The following ZNF33A variants were observed in gnomAD, a reference collection of about 807,000 sequenced individuals.
The protein encoded by ZNF33A is zinc finger protein 33A.
In ZNF33A, 9 loss-of-function variants were observed where a neutral mutation model predicts 15.9. That is an observed-to-expected ratio of 0.57 (90% confidence interval 0.34 to 0.99). ZNF33A has a LOEUF of 0.99. Among genes scored for constraint, ZNF33A ranks in the 50% least tolerant of loss-of-function variants. ZNF33A has a pLI of 0.02. For missense variants in ZNF33A, 843 were observed against 941.6 expected, an observed-to-expected ratio of 0.90 and a Z score of 1.37; for synonymous variants, 294 against 324.2, an observed-to-expected ratio of 0.91 and a Z score of 1.00.
Position 38,056,906 on chromosome 10 carries a change from T to C in ZNF33A, c.*346T>C, listed in dbSNP as rs1356569629. 1 of 978,228 alleles carries C rather than the reference T, an allele frequency of 1.0e-6. No individual in the cohort carries two copies. The highest frequency in any genetic ancestry group is 9.4e-5 in the East Asian group (1 of 10,650). The allele number at this position is 978,228 out of a possible 1,614,324, so 60.6% of individuals were successfully genotyped here. ...TAATTTATAGATGTATATTGTGGAA[T>C]GTAAAGCTTTAAGAACTTAAACAAA... On this transcript the variant is annotated 3_prime_UTR_variant, in exon 5 of 5. Coordinates refer to ENST00000432900, the MANE Select transcript of ZNF33A (RefSeq NM_006954.2).
Position 38,058,106 on chromosome 10 carries a change from AAAG to A in ZNF33A, c.*1551_*1553del. ...AAGCTTCCACTTTAGGAAACTAGAA[AAAG>A]AAGAGCAAATTAAATCCAAAGTAAC... On this transcript the variant is annotated 3_prime_UTR_variant, in exon 5 of 5. Transcript: ENST00000432900. 1.1e-6 allele frequency: 1 copy of A among 931,998 alleles called. No individual in the cohort carries two copies. Among genetic ancestry groups the A allele is most frequent in the South Asian group, 5.0e-5 (1 of 20,168 alleles). The allele number at this position is 931,998 out of a possible 1,614,324, so 57.7% of individuals were successfully genotyped here. A position where few individuals can be genotyped will look rare whatever the true frequency, so the allele number is the denominator to read the frequency against.
rs2066349517 is a variant in ZNF33A at position 38,054,367 on chromosome 10, G to A, written c.251-8G>A. ...TTATGTGGTAAGATTAATTTTGCTT[G>A]TTTCTAGAAGTCTGGACAGCTGATC... On this transcript the variant is annotated splice_region_variant and splice_polypyrimidine_tract_variant and intron_variant, in intron 4 of 4. Coordinates refer to ENST00000432900, the MANE Select transcript of ZNF33A (RefSeq NM_006954.2). The A allele has an allele frequency of 6.6e-7, 1 of 1,519,254 alleles. No homozygotes were observed. Among genetic ancestry groups the A allele is most frequent in the Non-Finnish European group, 8.8e-7 (1 of 1,140,030 alleles). The allele number at this position is 1,519,254 out of a possible 1,614,324, so 94.1% of individuals were successfully genotyped here.
At chr10:38,022,217 A>C (rs1282006653) in intron 4 of ZNF33A, among the ~76,000 whole-genome samples, 1 of 152,232 alleles carries the variant, frequency 6.6e-6, no homozygotes, top group African/African-American at 2.4e-5. Flanking sequence ...AAAATCAATA[A>C]AATTGATAAA....
chr10:38,034,510 C>CA (rs1303013492), intron 4 of ZNF33A, among the ~76,000 whole-genome samples: 2 of 152,104 alleles, frequency 1.3e-5, no homozygotes, highest in African/African-American at 4.8e-5. Flanking sequence ...CCTTTTTTGT[C>CA]ACATTATATC....
intron 2 of ZNF33A, 150 bp downstream of exon 2, chr10:38,012,500 C>T (rs755327071): frequency 7.5e-6 from 7 of 935,042 alleles, no homozygotes; most frequent in Admixed American, 5.5e-5. Context: ...GTCCCCATCT[C>T]GGTTCACTGC....
intron 4 of ZNF33A, among the ~76,000 whole-genome samples, chr10:38,047,261 G>A (rs1310205791): frequency 8.6e-5 from 12 of 139,432 alleles, no homozygotes; most frequent in African/African-American, 3.3e-4. Flanking sequence ...CATTGCAGAA[G>A]AAAAAGATTA....
At chr10:38,028,449 T>G (rs1050118770) in intron 4 of ZNF33A, among the ~76,000 whole-genome samples, 6 of 151,876 alleles carry the variant, frequency 4.0e-5, no homozygotes, top group Non-Finnish European at 8.8e-5. Context: ...CTTTTATTAC[T>G]GTCTTCTTTG....
At chr10:38,052,353 A>G (rs2066246622) in intron 4 of ZNF33A, among the ~76,000 whole-genome samples, 1 of 152,144 alleles carries the variant, frequency 6.6e-6, no homozygotes, top group South Asian at 2.1e-4. Flanking sequence ...AATTTTTAAA[A>G]GTTCCATTTG....
At chr10:38,018,220 T>C (rs1025911923) in intron 4 of ZNF33A, among the ~76,000 whole-genome samples, 4 of 152,254 alleles carry the variant, frequency 2.6e-5, no homozygotes, top group Non-Finnish European at 5.9e-5. Context: ...GCAAGTTAGA[T>C]TGGCTGAATG....
downstream of ZNF33A, among the ~76,000 whole-genome samples, chr10:38,062,768 CCGAGG>C: frequency 6.6e-6 from 1 of 151,654 alleles, no homozygotes; most frequent in Non-Finnish European, 1.5e-5. Context: ...CTCTGGGAGG[CCGAGG>C]TGGGCGGATC....
Position 38,059,542 on chromosome 10 carries a change from G to A in ZNF33A, c.*2982G>A, listed in dbSNP as rs1048867. On this transcript the variant is annotated 3_prime_UTR_variant, in exon 5 of 5. Transcript: ENST00000432900. Reference sequence around the variant, plus strand: ...CTCAGGTAGATGATAAAAAGGAATTGGACATCAAGTCATTAAAAGACACGG... The same window carrying A: ...CTCAGGTAGATGATAAAAAGGAATTAGACATCAAGTCATTAAAAGACACGG... 6 of 152,154 alleles carry A rather than the reference G, an allele frequency of 3.9e-5. No individual in the cohort carries two copies. Among genetic ancestry groups the A allele is most frequent in the African/African-American group, 1.4e-4 (6 of 41,436 alleles). The allele number at this position is 152,154 out of a possible 1,614,324, so 9.4% of individuals were successfully genotyped here. A position where few individuals can be genotyped will look rare whatever the true frequency, so the allele number is the denominator to read the frequency against.
At chr10:38,050,065 T>G (rs949714472) in intron 4 of ZNF33A, among the ~76,000 whole-genome samples, 2 of 152,206 alleles carry the variant, frequency 1.3e-5, no homozygotes, top group African/African-American at 4.8e-5. Flanking sequence ...GATGCTTCAG[T>G]AGTGAATTCC....
At position 38,054,966 on chromosome 10, in the gene ZNF33A, A is replaced by T; in HGVS notation, c.842A>T (p.Glu281Val). ...RDNHYEFSDCEKFLCVKSTLS... is the reference protein window; with the variant it reads ...RDNHYEFSDCVKFLCVKSTLS... ...AATCACTATGAATTTAGTGATTGTG[A>T]GAAGTTCTTATGTGTGAAGTCCACC... is the stretch of plus-strand genomic sequence containing the variant. The change falls in exon 5 of 5, where the codon GAG (glutamate) becomes GTG (valine). Residue 281 changes from glutamate to valine, a missense_variant. Coordinates refer to ENST00000432900, the MANE Select transcript of ZNF33A (RefSeq NM_006954.2). 6.2e-7 allele frequency: 1 copy of T among 1,614,110 alleles called. No individual in the cohort carries two copies. The highest frequency in any genetic ancestry group is 1.7e-4 in the Middle Eastern group (1 of 6,060).
chr10:38,065,468 G>C (rs896648269), downstream of ZNF33A, among the ~76,000 whole-genome samples: 4 of 152,194 alleles, frequency 2.6e-5, no homozygotes, highest in African/African-American at 9.7e-5. Flanking sequence ...CTGTTGACCT[G>C]CTCTTATGTC....
rs2066605765 is a variant in ZNF33A, at chr10:38,059,243, T to C, written c.*2683T>C. On this transcript the variant is annotated 3_prime_UTR_variant, in exon 5 of 5. Transcript: ENST00000432900. ...GTAAAGAACATACTACAAAAAACCC[T>C]ACAGCTAACATTATCCTTGATGTTT... 6.6e-6 allele frequency: 1 copy of C among 152,146 alleles called. No homozygotes were observed. 9.4% of individuals were successfully genotyped at this position (152,146 alleles called of 1,614,324 possible).
intron 4 of ZNF33A, among the ~76,000 whole-genome samples, chr10:38,019,173 C>A (rs1456737939): frequency 1.4e-4 from 20 of 147,290 alleles, no homozygotes; most frequent in Non-Finnish European, 1.5e-5. Context: ...GTGTGATGTT[C>A]CCCTTCCTGT....
chr10:38,034,300 T>G (rs988466709), intron 4 of ZNF33A, among the ~76,000 whole-genome samples: 6 of 152,206 alleles, frequency 3.9e-5, no homozygotes, highest in Non-Finnish European at 8.8e-5. Context: ...GGCACCATAT[T>G]ACATTTAGTT....
intron 4 of ZNF33A, among the ~76,000 whole-genome samples, chr10:38,021,934 T>A (rs2064764852): frequency 6.6e-6 from 1 of 152,098 alleles, no homozygotes; most frequent in South Asian, 2.1e-4. Flanking sequence ...TAGAAATGCA[T>A]AGACTTAATG....
At chr10:38,051,976 C>A (rs1438727101) in intron 4 of ZNF33A, among the ~76,000 whole-genome samples, 1 of 152,040 alleles carries the variant, frequency 6.6e-6, no homozygotes, top group East Asian at 1.9e-4. Flanking sequence ...AGATAACTTT[C>A]TTTAATCTGA....
Sources: gnomAD v4.1 joint callset for allele counts (sites outside exome capture counted in the v4.1 genomes callset) on GRCh38, gnomAD v4.1.1 for gene constraint, MANE v1.5 for transcripts, NCBI Gene and HGNC (gene_info 2026-07-23, HGNC 2026-07-21) for gene names.